Variants in TRAPPC9 observed in about 807,000 individuals in gnomAD.
TRAPPC9 encodes IKK2 binding protein.
In TRAPPC9, 83 loss-of-function variants were observed where a neutral mutation model predicts 124.0. The observed-to-expected ratio is 0.67, with a 90% CI of 0.56 to 0.80. The LOEUF is 0.80. Ranked by LOEUF, TRAPPC9 falls within the 30% of genes least tolerant of loss-of-function variation. The pLI is 0.00. For missense variants in TRAPPC9, 1,302 were observed against 1,508.3 expected (o/e 0.86, Z 2.27); for synonymous variants, 638 against 617.5 (o/e 1.03, Z -0.49).
At chr8:139,784,177 T>A in intron 21 of TRAPPC9, among the ~76,000 whole-genome samples, 1 of 152,166 alleles carries the variant, frequency 6.6e-6, no homozygotes, top group Middle Eastern at 3.4e-3. Flanking sequence ...GAATTAAAAT[T>A]GTCTTTATCC....
At chr8:140,110,950 T>C (rs1173124794) in intron 17 of TRAPPC9, among the ~76,000 whole-genome samples, 14 of 49,102 alleles carry the variant, frequency 2.9e-4, no homozygotes, top group African/African-American at 5.5e-4. Flanking sequence ...CCCCCTGCAG[T>C]AGCTCCCCCC....
rs1047138516 is a variant in TRAPPC9 at position 140,228,697 on chromosome 8, T to G, written c.2432-7114A>C. On this transcript the variant is annotated intron_variant, in intron 16 of 22. Coordinates refer to ENST00000438773, the MANE Select transcript of TRAPPC9 (RefSeq NM_001160372.4). ...ACTACCAGCTGAACACGTGAAATGT[T>G]CTGGGTGGTTCCCAGCTTGTTCTAA... Among the ~76,000 whole-genome samples the G allele has an allele frequency of 1.1e-4, 16 of 152,334 alleles. No homozygotes were observed. In the South Asian group the frequency reaches 1.5e-3, roughly 14 times the overall value.
chr8:140,302,880 C>T (rs2066021468), intron 10 of TRAPPC9: 1 of 152,158 alleles, frequency 6.6e-6, no homozygotes, highest in African/African-American at 2.4e-5. Flanking sequence ...TGGGGCCAGC[C>T]GCTCCCATCC....
At chr8:140,133,556 T>A (rs1326873485) in intron 17 of TRAPPC9, among the ~76,000 whole-genome samples, 1 of 152,150 alleles carries the variant, frequency 6.6e-6, no homozygotes. Context: ...AGAGTCTTCC[T>A]CAGAGCAATT....
At chr8:140,296,249 G>C (rs79822183) in intron 11 of TRAPPC9, among the ~76,000 whole-genome samples, 3,004 of 152,248 alleles carry the variant, frequency 0.02, 95 homozygotes, top group African/African-American at 0.068. Flanking sequence ...TTTCACAAAA[G>C]GAATCTTTGA....
chr8:140,262,811 T>TGTTA (rs1375561138), intron 15 of TRAPPC9: 4 of 152,192 alleles, frequency 2.6e-5, no homozygotes, highest in African/African-American at 7.2e-5. Flanking sequence ...GTGAGGTAAG[T>TGTTA]GTTATTGTAA....
intron 20 of TRAPPC9, among the ~76,000 whole-genome samples, chr8:139,896,154 C>T (rs1280487926): frequency 1.3e-5 from 2 of 152,206 alleles, no homozygotes; most frequent in Non-Finnish European, 2.9e-5. Context: ...GCCACCCAAA[C>T]AGTCTTGCAT....
At chr8:140,158,490 G>A (rs760574126) in intron 17 of TRAPPC9, among the ~76,000 whole-genome samples, 6 of 152,230 alleles carry the variant, frequency 3.9e-5, no homozygotes, top group Non-Finnish European at 5.9e-5. Context: ...TGCTGGGAGT[G>A]AAGGCGTTTC....
At chr8:140,295,896 T>C (rs1232028160) in intron 11 of TRAPPC9, among the ~76,000 whole-genome samples, 2 of 152,224 alleles carry the variant, frequency 1.3e-5, no homozygotes, top group East Asian at 3.8e-4. Flanking sequence ...AAACAAATAA[T>C]GTGCATTTTG....
rs546168643 is a variant in TRAPPC9 at position 139,895,119 on chromosome 8, C to T, written c.2965-9150G>A. Reference sequence around the variant, plus strand: ...CCCGGAGCCACTTTAACTCCAGAGGCCAGGCTCTTTCCTGCAAAACGACAT... The same window carrying T: ...CCCGGAGCCACTTTAACTCCAGAGGTCAGGCTCTTTCCTGCAAAACGACAT... On this transcript the variant is annotated intron_variant, in intron 20 of 22. Transcript: ENST00000438773. 1.4e-4 allele frequency among the ~76,000 whole-genome samples: 21 copies of T among 152,270 alleles called. 1 individual carries two copies. In the South Asian group the frequency reaches 4.4e-3, roughly 32 times the overall value.
chr8:140,300,615 C>T lies in TRAPPC9; in HGVS notation c.1623-1G>A. The T allele has an allele frequency of 1.2e-6, 2 of 1,614,212 alleles. No homozygotes were observed. Among genetic ancestry groups the T allele is most frequent in the Non-Finnish European group, 1.7e-6 (2 of 1,180,036 alleles). On this transcript the variant is annotated splice_acceptor_variant, in intron 10 of 22. Coordinates refer to ENST00000438773, the MANE Select transcript of TRAPPC9 (RefSeq NM_001160372.4). LOFTEE classifies it high-confidence loss of function. ...AGGAAGGTTCAATAGTTTCACATGC[C>T]TGTTGTTTCAAACAGAACACAAATA...
At chr8:140,068,832 G>A (rs1177356581) in intron 17 of TRAPPC9, among the ~76,000 whole-genome samples, 2 of 152,174 alleles carry the variant, frequency 1.3e-5, no homozygotes, top group African/African-American at 4.8e-5. Flanking sequence ...TTAACTACCT[G>A]AATTATGCAT....
At chr8:140,139,446 C>T (rs1200662151) in intron 17 of TRAPPC9, among the ~76,000 whole-genome samples, 4 of 152,138 alleles carry the variant, frequency 2.6e-5, no homozygotes, top group Non-Finnish European at 5.9e-5. Flanking sequence ...CCCAACAGAA[C>T]GATGTGAATA....
chr8:140,359,141 G>A (rs1029266030), intron 9 of TRAPPC9, among the ~76,000 whole-genome samples: 15 of 152,324 alleles, frequency 9.8e-5, no homozygotes, highest in African/African-American at 3.6e-4. Context: ...CCGTGCAGCT[G>A]AGGCCTGTGT....
intron 17 of TRAPPC9, among the ~76,000 whole-genome samples, chr8:140,170,910 G>A (rs577830876): frequency 3.9e-5 from 6 of 152,344 alleles, no homozygotes; most frequent in South Asian, 4.1e-4. Flanking sequence ...TGACTGGGTC[G>A]TGAAGAGGTG....
chr8:140,454,456 T>C (rs1026414826), intron 1 of TRAPPC9, among the ~76,000 whole-genome samples: 2 of 151,244 alleles, frequency 1.3e-5, no homozygotes, highest in African/African-American at 4.9e-5. Flanking sequence ...CTGACCAACA[T>C]GGAGAAACCC....
intron 7 of TRAPPC9, among the ~76,000 whole-genome samples, chr8:140,374,063 A>G (rs949704051): frequency 2.6e-5 from 4 of 152,214 alleles, no homozygotes; most frequent in East Asian, 1.9e-4. Flanking sequence ...AGTGCCTTCT[A>G]TGTCCTCATC....
At chr8:139,930,146 G>T (rs1041574269) in intron 19 of TRAPPC9, among the ~76,000 whole-genome samples, 2 of 152,236 alleles carry the variant, frequency 1.3e-5, no homozygotes, top group Non-Finnish European at 2.9e-5. Flanking sequence ...GGACCTCCCA[G>T]ATGCCTAAGA....
chr8:139,985,812 A>T (rs149493448), intron 19 of TRAPPC9, among the ~76,000 whole-genome samples: 151 of 152,352 alleles, frequency 9.9e-4, no homozygotes, highest in Non-Finnish European at 1.8e-3. Flanking sequence ...GGAAATGAAT[A>T]AAGTGGCATA....
Sources: allele counts gnomAD v4.1 joint callset (sites outside exome capture counted in the v4.1 genomes callset), GRCh38; gene constraint gnomAD v4.1.1; transcripts MANE v1.5; gene names NCBI Gene and HGNC (gene_info 2026-07-23, HGNC 2026-07-21).